GSDME: variants seen among roughly 807,000 people sequenced by gnomAD.
The protein encoded by GSDME is gasdermin-E.
Under a neutral mutation model 47.5 loss-of-function variants are expected in GSDME, and 44 were observed. The observed-to-expected ratio is 0.93, with a 90% CI of 0.73 to 1.19. GSDME has a LOEUF of 1.19. Among genes scored for constraint, GSDME ranks in the 50% most tolerant of loss-of-function variants. GSDME has a pLI of 0.00. For synonymous variants in GSDME, 258 were observed against 252.8 expected (o/e 1.02, Z -0.20); for missense variants, 663 against 604.2 (o/e 1.10, Z -1.02).
the GSDME span, among the ~76,000 whole-genome samples, chr7:24,766,487 C>T: frequency 2.9e-3 from 437 of 152,110 alleles, 5 homozygotes; most frequent in African/African-American, 9.4e-3. This position sits in a 1 kb window ranked among gnomAD's most constrained non-coding sequence, Gnocchi z 4.2. Context: ...CGGTGTGTGA[C>T]GTTGCCCTCC....
chr7:24,783,121 G>A, the GSDME span, among the ~76,000 whole-genome samples: 1 of 152,172 alleles, frequency 6.6e-6, no homozygotes, highest in Non-Finnish European at 1.5e-5. Context: ...GTACACTCAT[G>A]GAAAATGAAA....
intron 7 of GSDME, chr7:24,707,278 CTG>C: frequency 4.3e-6 from 2 of 468,388 alleles, no homozygotes; most frequent in East Asian, 7.0e-5. Flanking sequence ...AAAAACAAAA[CTG>C]TAGTCAAAAT....
chr7:24,786,035 C>A, the GSDME span, among the ~76,000 whole-genome samples: 2 of 152,304 alleles, frequency 1.3e-5, no homozygotes, highest in East Asian at 3.9e-4. The surrounding 1 kb of genome is among the most constrained non-coding windows in gnomAD (Gnocchi z 5.5). Context: ...CTGTGTCTGG[C>A]ACATGTCTGG....
chr7:24,731,794 C>T (rs1010389899), intron 3 of GSDME, among the ~76,000 whole-genome samples: 7 of 152,224 alleles, frequency 4.6e-5, no homozygotes, highest in African/African-American at 1.2e-4. Flanking sequence ...GAAAAGGTGT[C>T]CCATGTGTCT....
At chr7:24,717,583 C>G (rs2237306) in intron 4 of GSDME, among the ~76,000 whole-genome samples, 3 of 152,030 alleles carry the variant, frequency 2.0e-5, no homozygotes, top group Non-Finnish European at 4.4e-5. Flanking sequence ...AAACGGCCAA[C>G]CTGGTGGCAT....
intron 9 of GSDME, among the ~76,000 whole-genome samples, chr7:24,700,628 T>C (rs183829275): frequency 4.0e-4 from 61 of 152,266 alleles, no homozygotes; most frequent in Middle Eastern, 3.4e-3. Flanking sequence ...TACTTGTGGG[T>C]TTATTATCAA....
At chr7:24,701,375 A>G (rs964374387) in intron 9 of GSDME, among the ~76,000 whole-genome samples, 6 of 152,244 alleles carry the variant, frequency 3.9e-5, no homozygotes, top group African/African-American at 1.4e-4. Flanking sequence ...TGCTGCTCTT[A>G]GAACACCAAC....
At position 24,717,363 on chromosome 7, in the gene GSDME, C is replaced by T. The variant is rs1288049141; in HGVS notation, c.588G>A (p.Thr196=). 17 of 1,614,136 alleles carry T rather than the reference C, an allele frequency of 1.1e-5. No individual in the cohort carries two copies. The highest frequency in any genetic ancestry group is 1.6e-4 in the Middle Eastern group (1 of 6,062). Residue 196 remains threonine, a synonymous_variant, in exon 5 of 10, where the codon ACG becomes ACA. Transcript: ENST00000645220. ...AGTCCTTGGTGACATTCCCATCCTC[C>T]GTCGCTGACACCTGTGGGCAAAAGC... ...IQTKTVQVSA[T]EDGNVTKDSN...
chr7:24,774,688 A>G, the GSDME span, among the ~76,000 whole-genome samples: 1 of 151,858 alleles, frequency 6.6e-6, no homozygotes, highest in African/African-American at 2.4e-5. Flanking sequence ...GCATGCCACC[A>G]CACCTGGCTA....
chr7:24,702,830 A>G lies in GSDME; in HGVS notation c.1187T>C (p.Met396Thr), dbSNP rs772723773. ...AYFLVSALAE[M>T]PDSAAALLGT... Reference sequence around the variant, plus strand: ...CAGCAGAGCTGCTGCGCTATCTGGCATTTCTGCAGGAGAGAAAAATCACAG... The same window carrying G: ...CAGCAGAGCTGCTGCGCTATCTGGCGTTTCTGCAGGAGAGAAAAATCACAG... Residue 396 changes from methionine to threonine, a missense_variant, in exon 9 of 10, where the codon ATG becomes ACG. Transcript: ENST00000645220. The G allele has an allele frequency of 5.6e-6, 9 of 1,612,838 alleles. No homozygotes were observed. The South Asian group carries it at 7.7e-5, about 14-fold the overall frequency.
At chr7:24,753,106 A>T (rs562243580) in intron 1 of GSDME, among the ~76,000 whole-genome samples, 4 of 152,214 alleles carry the variant, frequency 2.6e-5, no homozygotes, top group Non-Finnish European at 5.9e-5. Context: ...TTAGACTCAG[A>T]CTTTTTAATC....
the GSDME span, among the ~76,000 whole-genome samples, chr7:24,779,455 C>G: frequency 6.7e-6 from 1 of 149,504 alleles, no homozygotes; most frequent in African/African-American, 2.5e-5. The surrounding 1 kb of genome is among the most constrained non-coding windows in gnomAD (Gnocchi z 6.0). Context: ...TTCCTACATT[C>G]CTACACCTTT....
In GSDME at chr7:24,732,581, C is replaced by G. The variant is rs1007212256; in HGVS notation, c.404+11981G>C. On this transcript the variant is annotated intron_variant, in intron 3 of 9. Coordinates refer to ENST00000645220, the MANE Select transcript of GSDME (RefSeq NM_001127453.2). This position sits in a 1 kb window ranked among gnomAD's most constrained non-coding sequence, Gnocchi z 4.8. ...TGCCAACACCACCCCTCCCCTATCT[C>G]TGGGCAGCAGCCATGTGGCAGAGAG... Among the ~76,000 whole-genome samples the G allele has an allele frequency of 4.6e-5, 7 of 152,196 alleles. No homozygotes were observed. The highest frequency in any genetic ancestry group is 4.6e-4 in the Admixed American group (7 of 15,286).
At chr7:24,741,808 A>G (rs944322252) in intron 3 of GSDME, among the ~76,000 whole-genome samples, 25 of 152,136 alleles carry the variant, frequency 1.6e-4, no homozygotes, top group African/African-American at 6.0e-4. Context: ...ATAAGAATTT[A>G]TTACTCCAGC....
chr7:24,719,049 G>A lies in GSDME; in HGVS notation c.574C>T (p.Gln192Ter), dbSNP rs1789675034. ...GIVGIQTKTV[Q>*]VSATEDGNVT... is the part of the protein sequence containing the mutation. Reference sequence around the variant, plus strand: ...CAGGGCAGCCCGACTGCACGCACCTGCACCGTCTTGGTCTGGATGCCCACG... The same window carrying A: ...CAGGGCAGCCCGACTGCACGCACCTACACCGTCTTGGTCTGGATGCCCACG... Residue 192 changes from glutamine (Q) to a stop codon, truncating the protein, a stop_gained and splice_region_variant, in exon 4 of 10, where the codon CAG becomes TAG. Transcript: ENST00000645220. LOFTEE classifies it high-confidence loss of function. The A allele has an allele frequency of 6.2e-7, 1 of 1,612,330 alleles. No homozygotes were observed. Among genetic ancestry groups the A allele is most frequent in the East Asian group, 2.2e-5 (1 of 44,870 alleles).
At chr7:24,740,383 G>A (rs1790450731) in intron 3 of GSDME, among the ~76,000 whole-genome samples, 1 of 151,798 alleles carries the variant, frequency 6.6e-6, no homozygotes, top group Non-Finnish European at 1.5e-5. Flanking sequence ...CATAACTTTA[G>A]GATACCTAAA....
At chr7:24,784,307 G>A in the GSDME span, among the ~76,000 whole-genome samples, 2 of 152,142 alleles carry the variant, frequency 1.3e-5, no homozygotes, top group Admixed American at 6.5e-5. Flanking sequence ...GTTTACTAAG[G>A]AGAACTGACT....
At chr7:24,764,761 G>A in the GSDME span, among the ~76,000 whole-genome samples, 1 of 152,068 alleles carries the variant, frequency 6.6e-6, no homozygotes, top group Admixed American at 6.5e-5. This position sits in a 1 kb window ranked among gnomAD's most constrained non-coding sequence, Gnocchi z 4.4. Flanking sequence ...TGGAAAGTGG[G>A]AATAATCACG....
the GSDME span, among the ~76,000 whole-genome samples, chr7:24,785,877 T>C: frequency 3.3e-5 from 5 of 152,364 alleles, no homozygotes; most frequent in South Asian, 8.3e-4. Context: ...ATCTGCAATC[T>C]ATTGATTCTA....
Sources: allele counts gnomAD v4.1 joint callset (sites outside exome capture counted in the v4.1 genomes callset), GRCh38; gene constraint gnomAD v4.1.1; non-coding constraint Gnocchi (gnomAD v3.1); transcripts MANE v1.5; gene names NCBI Gene and HGNC (gene_info 2026-07-23, HGNC 2026-07-21).